The following DSCAM variants were observed in gnomAD, a reference collection of about 807,000 sequenced individuals.
DSCAM encodes cell adhesion molecule DSCAM.
Under a neutral mutation model 217.7 loss-of-function variants are expected in DSCAM, and 47 were observed. The ratio of observed to expected loss-of-function variants is 0.22; its 90% confidence interval spans 0.17 to 0.28. The LOEUF is 0.28. DSCAM is among the 10% of genes least tolerant of loss of function. DSCAM has a pLI of 1.00. For missense variants in DSCAM, 2,080 were observed against 2,618.3 expected (o/e 0.79, Z 4.49); for synonymous variants, 1,056 against 1,015.3 (o/e 1.04, Z -0.76).
At chr21:40,635,313 G>A (rs191982644) in intron 3 of DSCAM, among the ~76,000 whole-genome samples, 286 of 152,316 alleles carry the variant, frequency 1.9e-3, no homozygotes, top group African/African-American at 6.3e-3. Context: ...GCTGGTGTGC[G>A]GGCCAGACAC....
chr21:40,739,077 T>C (rs1190621215), intron 1 of DSCAM, among the ~76,000 whole-genome samples: 1 of 152,206 alleles, frequency 6.6e-6, no homozygotes, highest in Non-Finnish European at 1.5e-5. Context: ...ATGTTCCTTT[T>C]CTCCAGATTT....
chr21:40,121,056 T>TA (rs1372635831), intron 20 of DSCAM, among the ~76,000 whole-genome samples: 2 of 152,190 alleles, frequency 1.3e-5, no homozygotes, highest in Admixed American at 1.3e-4. Context: ...GTTCTACATT[T>TA]AACTATGAAA....
intron 11 of DSCAM, among the ~76,000 whole-genome samples, chr21:40,235,677 T>C (rs1450876588): frequency 6.6e-6 from 1 of 152,060 alleles, no homozygotes. Flanking sequence ...CTTCTTCAAC[T>C]GTATTCATCT....
chr21:40,115,530 G>A lies in DSCAM; in HGVS notation c.3696+8665C>T, dbSNP rs191254626. Among the ~76,000 whole-genome samples, 500 of 152,056 alleles carry A rather than the reference G, an allele frequency of 3.3e-3. 2 individuals are homozygous for A. The highest frequency in any genetic ancestry group is 0.011 in the African/African-American group (462 of 41,456). On this transcript the variant is annotated intron_variant, in intron 20 of 32. Transcript: ENST00000400454. ...GTATACATATGTAACAAACCTGCAC[G>A]TTGTGCACATGTACCCTAAAACTTA...
intron 1 of DSCAM, among the ~76,000 whole-genome samples, chr21:40,787,355 C>T (rs2091603348): frequency 6.6e-6 from 1 of 152,178 alleles, no homozygotes; most frequent in Admixed American, 6.5e-5. Context: ...CACATGTGGC[C>T]TAGTCTAGAC....
intron 3 of DSCAM, among the ~76,000 whole-genome samples, chr21:40,590,803 C>G (rs1013613069): frequency 6.6e-6 from 1 of 152,050 alleles, no homozygotes; most frequent in Non-Finnish European, 1.5e-5. Flanking sequence ...GGGGTATTGC[C>G]CTGTCTAAAC....
intron 3 of DSCAM, among the ~76,000 whole-genome samples, chr21:40,535,790 T>C (rs1258028465): frequency 6.6e-6 from 1 of 152,152 alleles, no homozygotes; most frequent in Non-Finnish European, 1.5e-5. Flanking sequence ...CAGATACACC[T>C]AAATGGAGCA....
chr21:40,231,548 G>T (rs1401603087), intron 11 of DSCAM, among the ~76,000 whole-genome samples: 1 of 151,804 alleles, frequency 6.6e-6, no homozygotes, highest in Non-Finnish European at 1.5e-5. Context: ...TGTTGCTCAG[G>T]CTGGAATACA....
rs373837835 is a variant in DSCAM, at chr21:40,443,655, T to C, written c.509-74410A>G. Among the ~76,000 whole-genome samples the C allele has an allele frequency of 1.1e-4, 16 of 152,350 alleles. 1 individual carries two copies. In the South Asian group the frequency reaches 1.7e-3, roughly 16 times the overall value. ...ATTCACATTAGTAATCTATGAGTTTTCATTTGGTCAATATAATTTCACTGG... is the reference window on the plus strand; with the variant it reads ...ATTCACATTAGTAATCTATGAGTTTCCATTTGGTCAATATAATTTCACTGG... On this transcript the variant is annotated intron_variant, in intron 3 of 32. Transcript: ENST00000400454.
At chr21:40,829,298 G>C (rs2091994486) in intron 1 of DSCAM, among the ~76,000 whole-genome samples, 1 of 152,336 alleles carries the variant, frequency 6.6e-6, no homozygotes, top group Admixed American at 6.5e-5. Flanking sequence ...GGAAAGGAAG[G>C]GGAGTTTGAG....
intron 1 of DSCAM, among the ~76,000 whole-genome samples, chr21:40,813,533 G>A (rs1286301044): frequency 1.3e-5 from 2 of 151,758 alleles, no homozygotes; most frequent in Non-Finnish European, 2.9e-5. Context: ...TCAGTTCAAA[G>A]AATTTTTAAA....
intron 1 of DSCAM, among the ~76,000 whole-genome samples, chr21:40,825,060 A>T (rs1290189602): frequency 6.6e-6 from 1 of 152,198 alleles, no homozygotes; most frequent in African/African-American, 2.4e-5. Flanking sequence ...GCCATGACCC[A>T]GAAAAGAGGA....
intron 32 of DSCAM, among the ~76,000 whole-genome samples, chr21:40,033,700 C>T (rs1482674287): frequency 6.6e-6 from 1 of 151,794 alleles, no homozygotes; most frequent in Non-Finnish European, 1.5e-5. Context: ...GCCTGCCTGC[C>T]TCTGTAGGCT....
In DSCAM at chr21:40,679,931, G is replaced by A. The variant is rs571041283; in HGVS notation, c.508+12879C>T. Among the ~76,000 whole-genome samples the A allele has an allele frequency of 1.3e-4, 20 of 152,006 alleles. No individual in the cohort carries two copies. The South Asian group carries it at 2.9e-3, about 22-fold the overall frequency. On this transcript the variant is annotated intron_variant, in intron 3 of 32. Transcript: ENST00000400454. ...TCCTAACAAGCCTCACACAAACAAC[G>A]GCCTATTTGTTTTGAAACCACGGTG...
At chr21:40,515,507 G>A (rs2076292721) in intron 3 of DSCAM, among the ~76,000 whole-genome samples, 1 of 152,150 alleles carries the variant, frequency 6.6e-6, no homozygotes. Context: ...AACAAGGACA[G>A]TCTTTTATAC....
At position 40,544,117 on chromosome 21, in the gene DSCAM, A is replaced by T. The variant is rs184688231; in HGVS notation, c.508+148693T>A. The stretch of plus-strand genomic sequence containing the variant: ...TGAAATTTCCTGCAGCATCAGCAGG[A>T]GTCAGGAGGGCAGGGGAGAAGCTTC... On this transcript the variant is annotated intron_variant, in intron 3 of 32. Transcript: ENST00000400454. Among the ~76,000 whole-genome samples, 921 of 152,252 alleles carry T rather than the reference A, an allele frequency of 6.0e-3. 14 individuals carry two copies. The highest frequency in any genetic ancestry group is 0.021 in the African/African-American group (856 of 41,540).
intron 3 of DSCAM, among the ~76,000 whole-genome samples, chr21:40,512,648 C>T (rs1020182365): frequency 6.6e-6 from 1 of 151,982 alleles, no homozygotes; most frequent in Non-Finnish European, 1.5e-5. Flanking sequence ...AAACTGTTGT[C>T]CATTTGTCGA....
At chr21:40,752,947 G>A (rs1421319179) in intron 1 of DSCAM, among the ~76,000 whole-genome samples, 1 of 152,166 alleles carries the variant, frequency 6.6e-6, no homozygotes, top group East Asian at 1.9e-4. Context: ...TAGATGTGAA[G>A]CAATGGGAGA....
rs533010992 is a variant in DSCAM, at chr21:40,252,903, C to T, written c.2356+23194G>A. Among the ~76,000 whole-genome samples the T allele has an allele frequency of 7.2e-5, 11 of 152,290 alleles. 1 individual carries two copies. Among genetic ancestry groups the T allele is most frequent in the African/African-American group, 2.4e-4 (10 of 41,552 alleles). ...CCTGGGTTACTAGAGAGTGCTAAGG[C>T]TCGAGTTGTCTGTCCCCCTAGACCC... On this transcript the variant is annotated intron_variant, in intron 11 of 32. Coordinates refer to ENST00000400454, the MANE Select transcript of DSCAM (RefSeq NM_001389.5).
Sources: allele counts gnomAD v4.1 joint callset (sites outside exome capture counted in the v4.1 genomes callset), GRCh38; gene constraint gnomAD v4.1.1; transcripts MANE v1.5; gene names NCBI Gene and HGNC (gene_info 2026-07-23, HGNC 2026-07-21).